PCDHGB3: variants seen among roughly 807,000 people sequenced by gnomAD.
The protein encoded by PCDHGB3 is protocadherin gamma subfamily B, 3, also known as protocadherin gamma-B3.
PCDHGB3 carries 40 observed loss-of-function variants against 59.2 expected under a neutral mutation model. That is an observed-to-expected ratio of 0.68 (90% confidence interval 0.52 to 0.88). PCDHGB3 has a LOEUF of 0.88. Among genes scored for constraint, PCDHGB3 ranks in the 40% least tolerant of loss-of-function variants. PCDHGB3 has a pLI of 0.00. For missense variants in PCDHGB3, 1,309 were observed against 1,187.9 expected, an observed-to-expected ratio of 1.10 and a Z score of -1.50; for synonymous variants, 581 against 503.6, an observed-to-expected ratio of 1.15 and a Z score of -2.06.
At position 141,487,152 on chromosome 5, in the gene PCDHGB3, C is replaced by T. The variant is rs772254681; in HGVS notation, c.2416-7655C>T. On this transcript the variant is annotated intron_variant, in intron 1 of 3. Coordinates refer to ENST00000576222, the MANE Select transcript of PCDHGB3 (RefSeq NM_018924.5). The surrounding 1 kb of genome is among the most constrained non-coding windows in gnomAD (Gnocchi z 5.0). ...AGTCCACCACTCTCTACCTCTGTTA[C>T]TCTCTTAGTGTCCTTAGAGGAAGAC... 3.7e-6 allele frequency: 6 copies of T among 1,613,860 alleles called. No homozygotes were observed. Among genetic ancestry groups the T allele is most frequent in the Non-Finnish European group, 5.1e-6 (6 of 1,179,828 alleles).
rs200686404 is a variant in PCDHGB3 at position 141,477,185 on chromosome 5, G to A, written c.2416-17622G>A. On this transcript the variant is annotated intron_variant, in intron 1 of 3. Transcript: ENST00000576222. The surrounding 1 kb of genome is among the most constrained non-coding windows in gnomAD (Gnocchi z 4.9). ...CGCCCCGGAGATCACAGTCACCTCCGTGTACAGCCCAGTACCCGAGGATGC... is the reference window on the plus strand; with the variant it reads ...CGCCCCGGAGATCACAGTCACCTCCATGTACAGCCCAGTACCCGAGGATGC... 1.2e-6 allele frequency: 2 copies of A among 1,614,210 alleles called. No individual in the cohort carries two copies. Among genetic ancestry groups the A allele is most frequent in the South Asian group, 1.1e-5 (1 of 91,084 alleles).
chr5:141,409,038 A>G (rs571756448), intron 1 of PCDHGB3: 9 of 1,614,026 alleles, frequency 5.6e-6, no homozygotes, highest in Non-Finnish European at 7.6e-6. Flanking sequence ...GAGATAAACT[A>G]CTACTTCCGA....
At chr5:141,408,527 G>A in intron 1 of PCDHGB3, 1 of 1,614,072 alleles carries the variant, frequency 6.2e-7, no homozygotes, top group South Asian at 1.1e-5. Flanking sequence ...ATTGGAAGCT[G>A]TGGTGGAAAA....
chr5:141,376,868 T>G, intron 1 of PCDHGB3: 1 of 220,664 alleles, frequency 4.5e-6, no homozygotes, highest in East Asian at 1.2e-4. Flanking sequence ...TTTGTATTTT[T>G]AGTAGAGACG....
chr5:141,434,566 G>A (rs1280487112), intron 1 of PCDHGB3, among the ~76,000 whole-genome samples: 1 of 152,196 alleles, frequency 6.6e-6, no homozygotes, highest in African/African-American at 2.4e-5. Flanking sequence ...TTAAGGACAT[G>A]CCCCTGCTGC....
At chr5:141,433,605 G>A (rs1411907056) in intron 1 of PCDHGB3, among the ~76,000 whole-genome samples, 1 of 152,114 alleles carries the variant, frequency 6.6e-6, no homozygotes, top group South Asian at 2.1e-4. Context: ...GGAGGCCGAG[G>A]CGGGTGGATC....
Position 141,485,267 on chromosome 5 carries a change from C to T in PCDHGB3, c.2416-9540C>T, listed in dbSNP as rs767229426. On this transcript the variant is annotated intron_variant, in intron 1 of 3. Transcript: ENST00000576222. This position sits in a 1 kb window ranked among gnomAD's most constrained non-coding sequence, Gnocchi z 5.7. ...CCTGGGTTACGTTTGTGGGCAGATC[C>T]GCTACCCGGTCCCAGAGGAGTCACA... is the stretch of plus-strand genomic sequence containing the variant. 6.2e-7 allele frequency: 1 copy of T among 1,614,088 alleles called. No homozygotes were observed. Among genetic ancestry groups the T allele is most frequent in the South Asian group, 1.1e-5 (1 of 91,082 alleles).
At chr5:141,407,407 G>A (rs558103918) in intron 1 of PCDHGB3, among the ~76,000 whole-genome samples, 17 of 152,216 alleles carry the variant, frequency 1.1e-4, no homozygotes, top group African/African-American at 3.6e-4. Context: ...GTTACTATTC[G>A]ATACCACAAA....
chr5:141,370,453 T>A lies in PCDHGB3; in HGVS notation c.59T>A (p.Phe20Tyr), dbSNP rs6860590. ...GGGCAGAGGCGAATGCTATTTCTCT[T>A]CCTGCTCTCTTTGTTAGACCAGGCT... ...PAGQRRMLFL[F>Y]LLSLLDQALS... The change falls in exon 1 of 4, where the codon TTC becomes TAC. Residue 20 changes from phenylalanine (F) to tyrosine (Y), a missense_variant. By Grantham distance (22) the Phe-to-Tyr change is conservative (BLOSUM62 3). Transcript: ENST00000576222. 2,396 of 1,611,648 alleles carry A rather than the reference T, an allele frequency of 1.5e-3. 32 individuals are homozygous for A. In the African/African-American group the frequency reaches 0.028, roughly 19 times the overall value.
At chr5:141,392,719 C>CCG in intron 1 of PCDHGB3, 1 of 1,383,098 alleles carries the variant, frequency 7.2e-7, no homozygotes, top group African/African-American at 1.5e-5. Context: ...TCCAGGTTTC[C>CCG]GGAGGATTGT....
At chr5:141,412,876 A>T (rs1206092699) in intron 1 of PCDHGB3, 2 of 281,096 alleles carry the variant, frequency 7.1e-6, no homozygotes, top group Admixed American at 4.9e-5. Flanking sequence ...AAATATAATA[A>T]TCCAACAGAA....
chr5:141,458,165 A>T lies in PCDHGB3; in HGVS notation c.2416-36642A>T, dbSNP rs10075475. On this transcript the variant is annotated intron_variant, in intron 1 of 3. Coordinates refer to ENST00000576222, the MANE Select transcript of PCDHGB3 (RefSeq NM_018924.5). Reference sequence around the variant, plus strand: ...TGAACATGCTCCAAATTTTGTTCACAGTAGTATACCTTACTTGATTATTAA... The same window carrying T: ...TGAACATGCTCCAAATTTTGTTCACTGTAGTATACCTTACTTGATTATTAA... Among the ~76,000 whole-genome samples the T allele has an allele frequency of 2.4e-3, 368 of 152,356 alleles. 2 individuals carry two copies. The highest frequency in any genetic ancestry group is 8.5e-3 in the African/African-American group (354 of 41,588).
chr5:141,408,443 A>G (rs1486863170), intron 1 of PCDHGB3: 1 of 1,613,956 alleles, frequency 6.2e-7, no homozygotes, highest in Non-Finnish European at 8.5e-7. Flanking sequence ...AGACGCGGAG[A>G]GCGGGGACTT....
chr5:141,389,439 G>A, intron 1 of PCDHGB3: 1 of 1,610,580 alleles, frequency 6.2e-7, no homozygotes. Context: ...GCGCGCCTTC[G>A]ACCACGAGCA....
chr5:141,495,199 G>A (rs1205495643), intron 2 of PCDHGB3, among the ~76,000 whole-genome samples: 1 of 152,164 alleles, frequency 6.6e-6, no homozygotes, highest in African/African-American at 2.4e-5. Context: ...CCCATGTACT[G>A]CCTAACCCCC....
intron 1 of PCDHGB3, chr5:141,403,589 A>G (rs1447316737): frequency 1.2e-6 from 2 of 1,613,812 alleles, no homozygotes; most frequent in East Asian, 2.2e-5. Context: ...CCTGGTCCTC[A>G]CGGCCTCGGA....
intron 1 of PCDHGB3, among the ~76,000 whole-genome samples, chr5:141,460,369 T>C (rs1048970945): frequency 2.1e-4 from 32 of 152,322 alleles, no homozygotes; most frequent in African/African-American, 7.7e-4. Flanking sequence ...AGTTTTATAG[T>C]TTTACCATTT....
In PCDHGB3 at chr5:141,370,671, G is replaced by T. The variant is rs1767112872; in HGVS notation, c.277G>T (p.Glu93Ter). 2.5e-6 allele frequency: 4 copies of T among 1,613,888 alleles called. No homozygotes were observed. Among genetic ancestry groups the T allele is most frequent in the Non-Finnish European group, 3.4e-6 (4 of 1,179,900 alleles). The change falls in exon 1 of 4, where the codon GAG (glutamate) becomes TAG (stop). Residue 93 changes from glutamate to a stop codon, truncating the protein, a stop_gained. Coordinates refer to ENST00000576222, the MANE Select transcript of PCDHGB3 (RefSeq NM_018924.5). LOFTEE classifies it high-confidence loss of function. ...NLLVSDRIDR[E>*]EICGKKSTCV... ...ACTTGTGAGCGACCGTATAGACCGA[G>T]AGGAGATTTGTGGCAAGAAGTCGAC...
In PCDHGB3 at chr5:141,438,090, A is replaced by G. The variant is rs560861677; in HGVS notation, c.2416-56717A>G. 1.2e-4 allele frequency among the ~76,000 whole-genome samples: 18 copies of G among 152,310 alleles called. No individual in the cohort carries two copies. In the South Asian group the frequency reaches 3.5e-3, roughly 30 times the overall value. ...CATACTTAATGGAAAATTACCAGTA[A>G]CAGGGCATACTGTTTAGGATGCATT... On this transcript the variant is annotated intron_variant, in intron 1 of 3. Coordinates refer to ENST00000576222, the MANE Select transcript of PCDHGB3 (RefSeq NM_018924.5).
Sources: gnomAD v4.1 joint callset for allele counts (sites outside exome capture counted in the v4.1 genomes callset) on GRCh38, gnomAD v4.1.1 for gene constraint, Gnocchi (gnomAD v3.1) non-coding constraint, MANE v1.5 for transcripts, NCBI Gene and HGNC (gene_info 2026-07-23, HGNC 2026-07-21) for gene names.